The following UBE2V1 variants were observed in gnomAD, a reference collection of about 807,000 sequenced individuals.
UBE2V1 encodes ubiquitin conjugating enzyme E2 V1, also known as ubiquitin-conjugating enzyme E2 variant 1.
Under a neutral mutation model 19.6 loss-of-function variants are expected in UBE2V1, and 15 were observed. That is an observed-to-expected ratio of 0.77 (90% CI 0.51 to 1.18). UBE2V1 has a LOEUF of 1.18. UBE2V1 is among the 50% of genes most tolerant of loss of function. The pLI, the probability that UBE2V1 is intolerant of heterozygous loss-of-function variation, is 0.00. For missense variants in UBE2V1, 125 were observed against 184.8 expected (o/e 0.68, Z 1.88); for synonymous variants, 60 against 60.7 (o/e 0.99, Z 0.05).
In UBE2V1 at chr20:50,082,718, AT is replaced by A; in HGVS notation, c.*49del. The A allele has an allele frequency of 6.3e-7, 1 of 1,592,654 alleles. No homozygotes were observed. Among genetic ancestry groups the A allele is most frequent in the Non-Finnish European group, 8.5e-7 (1 of 1,175,990 alleles). The stretch of plus-strand genomic sequence containing the variant: ...TTACTACTGTGGAAAATGAAGACTG[AT>A]TAAATCGAATTGGGGGGAAGGGGAA... On this transcript the variant is annotated 3_prime_UTR_variant, in exon 4 of 4. Transcript: ENST00000371674.
chr20:50,092,033 A>G (rs1450471405), intron 2 of UBE2V1, among the ~76,000 whole-genome samples: 1 of 152,056 alleles, frequency 6.6e-6, no homozygotes, highest in African/African-American at 2.4e-5. Context: ...CACACATAAA[A>G]CACTTGGCCG....
chr20:50,096,510 G>T, intron 2 of UBE2V1, 162 bp downstream of exon 2: 1 of 1,534,086 alleles, frequency 6.5e-7, no homozygotes, highest in South Asian at 1.2e-5. Context: ...CAGCATCAGA[G>T]GAGGTTCAAA....
intron 1 of UBE2V1, among the ~76,000 whole-genome samples, chr20:50,102,987 T>C (rs1004465330): frequency 6.6e-6 from 1 of 152,248 alleles, no homozygotes; most frequent in African/African-American, 2.4e-5. Context: ...TCCCTTGTCC[T>C]CAACCAAGGG....
chr20:50,112,815 C>T (rs1214445598), intron 1 of UBE2V1, among the ~76,000 whole-genome samples: 2 of 152,156 alleles, frequency 1.3e-5, no homozygotes, highest in Non-Finnish European at 2.9e-5. Flanking sequence ...TGCCTCGGAG[C>T]TCGCTCCTCG....
chr20:50,115,461 T>C (rs1427443099), upstream of UBE2V1: 4 of 1,537,032 alleles, frequency 2.6e-6, no homozygotes, highest in Admixed American at 3.7e-5. Context: ...AGTGGAAGCA[T>C]TTGGGTTCCT....
intron 2 of UBE2V1, among the ~76,000 whole-genome samples, chr20:50,090,055 C>A (rs552430232): frequency 7.2e-5 from 11 of 152,356 alleles, no homozygotes; most frequent in African/African-American, 2.4e-4. Context: ...ACAGCCCAAG[C>A]TTCCTCTGCT....
chr20:50,101,354 T>C (rs2079973242), intron 1 of UBE2V1, among the ~76,000 whole-genome samples: 1 of 152,006 alleles, frequency 6.6e-6, no homozygotes, highest in Non-Finnish European at 1.5e-5. Flanking sequence ...GAACAGCAGT[T>C]CTCAAACCTT....
intron 1 of UBE2V1, among the ~76,000 whole-genome samples, chr20:50,107,311 A>G (rs1230627142): frequency 6.6e-6 from 1 of 152,194 alleles, no homozygotes; most frequent in Non-Finnish European, 1.5e-5. Context: ...CAGGACTCTG[A>G]GGTATACTAG....
At chr20:50,098,552 G>C (rs1179298229) in intron 1 of UBE2V1, among the ~76,000 whole-genome samples, 2 of 152,180 alleles carry the variant, frequency 1.3e-5, no homozygotes, top group Non-Finnish European at 2.9e-5. Flanking sequence ...GAGCTGTGGA[G>C]ATTTGCTATC....
intron 2 of UBE2V1, among the ~76,000 whole-genome samples, chr20:50,088,008 T>C (rs2079019068): frequency 1.3e-5 from 2 of 151,794 alleles, no homozygotes; most frequent in East Asian, 1.9e-4. Flanking sequence ...ACAGGCTACT[T>C]TGTCCATTAG....
chr20:50,103,685 C>G (rs1485413333), intron 1 of UBE2V1, among the ~76,000 whole-genome samples: 1 of 152,118 alleles, frequency 6.6e-6, no homozygotes, highest in African/African-American at 2.4e-5. Flanking sequence ...GGATTACAGG[C>G]ATCAGCCATT....
chr20:50,109,013 A>C (rs2080570914), intron 1 of UBE2V1: 1 of 985,292 alleles, frequency 1.0e-6, no homozygotes, highest in Non-Finnish European at 1.2e-6. Context: ...ACAGGAGTTA[A>C]AAATGCCTGG....
At chr20:50,108,977 T>C (rs1181855884) in intron 1 of UBE2V1, 1 of 985,318 alleles carries the variant, frequency 1.0e-6, no homozygotes, top group East Asian at 1.1e-4. Flanking sequence ...CCATGCCTTT[T>C]CCATTTCCTG....
At chr20:50,100,585 CA>C (rs397752567) in intron 1 of UBE2V1, among the ~76,000 whole-genome samples, 161 of 139,946 alleles carry the variant, frequency 1.2e-3, no homozygotes, top group Non-Finnish European at 1.1e-3. Flanking sequence ...ACTCCATCTC[CA>C]AAAAAAAAAA....
At chr20:50,111,165 A>G (rs1321194045) in intron 1 of UBE2V1, 60 of 795,786 alleles carry the variant, frequency 7.5e-5, no homozygotes, top group Non-Finnish European at 9.1e-5. Context: ...AATTTTGGGA[A>G]GTCCATTTTA....
intron 2 of UBE2V1, among the ~76,000 whole-genome samples, chr20:50,085,506 G>A (rs1454364522): frequency 6.6e-6 from 1 of 152,044 alleles, no homozygotes; most frequent in African/African-American, 2.4e-5. Flanking sequence ...CAAAGGCAGG[G>A]GCTCCCCTCT....
At chr20:50,085,661 A>C (rs2078873551) in intron 2 of UBE2V1, among the ~76,000 whole-genome samples, 2 of 152,250 alleles carry the variant, frequency 1.3e-5, no homozygotes, top group Middle Eastern at 3.4e-3. Flanking sequence ...TGGGGAGAAT[A>C]AATCAGAGGA....
In UBE2V1 at chr20:50,084,623, C is replaced by T. The variant is rs187852363; in HGVS notation, c.172-369G>A. On this transcript the variant is annotated intron_variant, in intron 2 of 3. Transcript: ENST00000371674. ...GAGTTAAATGTCCACTCACCAGGATCATCAGCCAATCAGTTAAATAACACT... is the reference window on the plus strand; with the variant it reads ...GAGTTAAATGTCCACTCACCAGGATTATCAGCCAATCAGTTAAATAACACT... The T allele has an allele frequency of 1.3e-5, 6 of 452,534 alleles. No homozygotes were observed. In the East Asian group the frequency reaches 4.1e-4, roughly 31 times the overall value. The allele number at this position is 452,534 out of a possible 1,614,324, so 28.0% of individuals were successfully genotyped here.
At chr20:50,084,814 C>CTTT in intron 2 of UBE2V1, 5 of 159,722 alleles carry the variant, frequency 3.1e-5, no homozygotes, top group East Asian at 3.2e-4. Context: ...TCCCTGCAGT[C>CTTT]TTTTTTTTTT....
Sources: gnomAD v4.1 joint callset for allele counts (sites outside exome capture counted in the v4.1 genomes callset) on GRCh38, gnomAD v4.1.1 for gene constraint, MANE v1.5 for transcripts, NCBI Gene and HGNC (gene_info 2026-07-23, HGNC 2026-07-21) for gene names.